Variants in ZNF100 observed in about 807,000 individuals in gnomAD.
ZNF100 encodes zinc finger protein 100.
A neutral mutation model predicts 15.8 loss-of-function variants in ZNF100; 12 were observed. The ratio of observed to expected loss-of-function variants is 0.76; its 90% confidence interval spans 0.49 to 1.23. The LOEUF is 1.23. Ranked by LOEUF, ZNF100 falls within the 50% of genes most tolerant of loss-of-function variation. The pLI, the probability that ZNF100 is intolerant of heterozygous loss-of-function variation, is 0.00. For missense variants in ZNF100, 670 were observed against 635.6 expected, an observed-to-expected ratio of 1.05 and a Z score of -0.58; for synonymous variants, 226 against 214.8, an observed-to-expected ratio of 1.05 and a Z score of -0.45.
At chr19:21,748,181 T>C (rs1599395157) in intron 2 of ZNF100, among the ~76,000 whole-genome samples, 2 of 152,226 alleles carry the variant, frequency 1.3e-5, no homozygotes, top group African/African-American at 4.8e-5. Flanking sequence ...GATGTTAAAA[T>C]GTATAGTTTA....
chr19:21,740,769 C>T (rs921895040), intron 4 of ZNF100, among the ~76,000 whole-genome samples: 3 of 152,122 alleles, frequency 2.0e-5, no homozygotes, highest in Non-Finnish European at 2.9e-5. Flanking sequence ...TTTTTAAAGA[C>T]GCCAACTCTG....
At position 21,760,754 on chromosome 19, in the gene ZNF100, G is replaced by GTTT. The variant is rs59317162; in HGVS notation, c.96+4937_96+4939dup. ...ATTAGAATAGAGGAAGAACTTTCTT[G>GTTT]TTTTTTTTTTTTTTTTTTTTGAGAT... On this transcript the variant is annotated intron_variant, in intron 2 of 4. Coordinates refer to ENST00000358296, the MANE Select transcript of ZNF100 (RefSeq NM_173531.4). 2.9e-3 allele frequency among the ~76,000 whole-genome samples: 296 copies of GTTT among 102,088 alleles called. 8 individuals are homozygous for GTTT. Among genetic ancestry groups the GTTT allele is most frequent in the African/African-American group, 7.5e-3 (206 of 27,460 alleles). The allele number at this position is 102,088 out of a possible 152,430, so 67.0% of individuals were successfully genotyped here.
chr19:21,732,587 TAG>T (rs1450947733), intron 4 of ZNF100, among the ~76,000 whole-genome samples: 1 of 151,382 alleles, frequency 6.6e-6, no homozygotes, highest in Non-Finnish European at 1.5e-5. Flanking sequence ...CAACTGGTGT[TAG>T]GTGTCATACC....
chr19:21,760,722 T>C (rs1222037792), intron 2 of ZNF100, among the ~76,000 whole-genome samples: 7 of 150,658 alleles, frequency 4.6e-5, no homozygotes, highest in South Asian at 2.1e-4. Flanking sequence ...ACATTAGAAA[T>C]TGTGACATTA....
Position 21,744,120 on chromosome 19 carries a change from A to G in ZNF100, c.224-5T>C. ...GCTTAGTGAGAGCAATACCTGCTTT[A>G]TTAGAAATAAATAACATGAATCTTT... On this transcript the variant is annotated splice_polypyrimidine_tract_variant and splice_region_variant and intron_variant, in intron 3 of 4. Transcript: ENST00000358296. 6.3e-7 allele frequency: 1 copy of G among 1,589,014 alleles called. No homozygotes were observed. Among genetic ancestry groups the G allele is most frequent in the Non-Finnish European group, 8.6e-7 (1 of 1,166,112 alleles).
rs760953645 is a variant in ZNF100, at chr19:21,727,461, G to A, written c.851C>T (p.Thr284Ile). The A allele has an allele frequency of 3.7e-6, 6 of 1,613,224 alleles. No homozygotes were observed. In the South Asian group the frequency reaches 5.5e-5, roughly 15 times the overall value. Residue 284 changes from threonine to isoleucine, a missense_variant, in exon 5 of 5, where the codon ACT becomes ATT. Transcript: ENST00000358296. Reference sequence around the variant, plus strand: ...TTCACATCTGTATGGTTTCTCTCCAGTATGAATTATCTTATGTGTAGTAAG... The same window carrying A: ...TTCACATCTGTATGGTTTCTCTCCAATATGAATTATCTTATGTGTAGTAAG... ...SHLTTHKIIH[T>I]GEKPYRCEEC...
chr19:21,735,081 C>T (rs1248468768), intron 4 of ZNF100, among the ~76,000 whole-genome samples: 2 of 152,144 alleles, frequency 1.3e-5, no homozygotes, highest in Non-Finnish European at 2.9e-5. Context: ...AAACCACTAC[C>T]AGCAAATGCA....
intron 4 of ZNF100, among the ~76,000 whole-genome samples, chr19:21,742,609 C>A (rs1043838157): frequency 5.9e-5 from 9 of 151,770 alleles, no homozygotes; most frequent in South Asian, 4.1e-4. Flanking sequence ...TCTATTTTAA[C>A]GTAGGACTGG....
At position 21,765,764 on chromosome 19, in the gene ZNF100, C is replaced by T. The variant is rs1328129021; in HGVS notation, c.26G>A (p.Cys9Tyr). 3.7e-6 allele frequency: 6 copies of T among 1,614,186 alleles called. No homozygotes were observed. Among genetic ancestry groups the T allele is most frequent in the East Asian group, 2.2e-5 (1 of 44,870 alleles). MDDPRYGMCPLKGASGCPG... is the reference protein window; with the variant it reads MDDPRYGMYPLKGASGCPG... ...GCATCCACTTGCTCCCTTGAGAGGA[C>T]ACATTCCATACCTCGGGTCATCCTA... Residue 9 changes from cysteine to tyrosine, a missense_variant, in exon 2 of 5, where the codon TGT (cysteine) becomes TAT (tyrosine). Cys to Tyr is a radical substitution (Grantham distance 194, BLOSUM62 -2). Coordinates refer to ENST00000358296, the MANE Select transcript of ZNF100 (RefSeq NM_173531.4).
intron 4 of ZNF100, among the ~76,000 whole-genome samples, chr19:21,739,839 T>G (rs1339841942): frequency 2.0e-5 from 3 of 151,982 alleles, no homozygotes; most frequent in Admixed American, 6.6e-5. Flanking sequence ...TAAAATAAAA[T>G]AAAATTAAAT....
In ZNF100 at chr19:21,726,996, T is replaced by A; in HGVS notation, c.1316A>T (p.Asn439Ile). ...YKCEECGKAF[N>I]ESSNLTTHKM... ...ATGGGTAGTAAGGTTTGAGGACTCA[T>A]TAAAAGCTTTGCCACATTCTTCACA... The change falls in exon 5 of 5, where the codon AAT (asparagine) becomes ATT (isoleucine). Residue 439 changes from asparagine (N) to isoleucine (I), a missense_variant. Transcript: ENST00000358296. 1 of 1,613,544 alleles carries A rather than the reference T, an allele frequency of 6.2e-7. No homozygotes were observed. The highest frequency in any genetic ancestry group is 1.7e-5 in the Admixed American group (1 of 59,978).
intron 4 of ZNF100, among the ~76,000 whole-genome samples, chr19:21,737,243 G>T (rs1019964541): frequency 6.6e-6 from 1 of 151,970 alleles, no homozygotes; most frequent in Non-Finnish European, 1.5e-5. Flanking sequence ...ACAATCATCA[G>T]GGCTTGGCGT....
rs2035835599 is a variant in ZNF100, at chr19:21,727,729, G to A, written c.583C>T (p.His195Tyr). Residue 195 changes from histidine to tyrosine, a missense_variant, in exon 5 of 5, where the codon CAT (histidine) becomes TAT (tyrosine). His to Tyr is a moderately conservative substitution (Grantham distance 83). Coordinates refer to ENST00000358296, the MANE Select transcript of ZNF100 (RefSeq NM_173531.4). ...VFHTFSNSNRHKIRHTRKKPF... is the reference protein window; with the variant it reads ...VFHTFSNSNRYKIRHTRKKPF... ...TTCTTTCTAGTATGTCTTATCTTAT[G>A]TCTGTTTGAATTTGAAAATGTATGA... is the stretch of plus-strand genomic sequence containing the variant. 2 of 1,613,692 alleles carry A rather than the reference G, an allele frequency of 1.2e-6. No individual in the cohort carries two copies. Among genetic ancestry groups the A allele is most frequent in the South Asian group, 1.1e-5 (1 of 91,066 alleles).
chr19:21,729,689 C>A (rs1450861379), intron 4 of ZNF100, among the ~76,000 whole-genome samples: 8 of 152,020 alleles, frequency 5.3e-5, no homozygotes. Context: ...TGCACATACA[C>A]CAAAATGGAA....
Position 21,727,722 on chromosome 19 carries a change from A to C in ZNF100, c.590T>G (p.Ile197Arg), listed in dbSNP as rs376582989. The change falls in exon 5 of 5, where the codon ATA becomes AGA. Residue 197 changes from isoleucine (I) to arginine (R), a missense_variant. Ile to Arg is a moderately conservative substitution (Grantham distance 97). Transcript: ENST00000358296. Reference protein sequence around the residue: ...HTFSNSNRHKIRHTRKKPFKC... With the variant: ...HTFSNSNRHKRRHTRKKPFKC... ...GAAAGGTTTCTTTCTAGTATGTCTT[A>C]TCTTATGTCTGTTTGAATTTGAAAA... is the stretch of plus-strand genomic sequence containing the variant. 2 of 1,611,950 alleles carry C rather than the reference A, an allele frequency of 1.2e-6. No individual in the cohort carries two copies. The highest frequency in any genetic ancestry group is 1.7e-5 in the Admixed American group (1 of 59,976).
intron 4 of ZNF100, among the ~76,000 whole-genome samples, chr19:21,733,479 A>C (rs1410758332): frequency 2.6e-5 from 4 of 152,234 alleles, no homozygotes; most frequent in Non-Finnish European, 4.4e-5. Flanking sequence ...AAAACAAAAT[A>C]AAAAATAATC....
intron 4 of ZNF100, among the ~76,000 whole-genome samples, 159 bp downstream of exon 4, chr19:21,743,852 CCAAAAA>C (rs2036162903): frequency 4.3e-5 from 1 of 23,398 alleles, no homozygotes; most frequent in African/African-American, 1.1e-4. Context: ...TACGTGACAG[CCAAAAA>C]AAAAAAAAAA....
intron 2 of ZNF100, among the ~76,000 whole-genome samples, chr19:21,747,200 T>G (rs1012519876): frequency 6.6e-6 from 1 of 152,154 alleles, no homozygotes; most frequent in Admixed American, 6.5e-5. Context: ...GTAACCACCC[T>G]TTAGTGCAAA....
intron 4 of ZNF100, among the ~76,000 whole-genome samples, chr19:21,734,896 C>A (rs1460990233): frequency 6.6e-6 from 1 of 152,048 alleles, no homozygotes; most frequent in East Asian, 1.9e-4. Flanking sequence ...ACATTGGGGG[C>A]CAATATTCAG....
Sources: gnomAD v4.1 joint callset for allele counts (sites outside exome capture counted in the v4.1 genomes callset) on GRCh38, gnomAD v4.1.1 for gene constraint, MANE v1.5 for transcripts, NCBI Gene and HGNC (gene_info 2026-07-23, HGNC 2026-07-21) for gene names.